Variants in SLC16A2 observed in about 807,000 individuals in gnomAD.
SLC16A2 encodes the protein solute carrier family 16 member 2, also known as monocarboxylate transporter 8.
SLC16A2 carries 3 observed loss-of-function variants against 27.2 expected under a neutral mutation model. That is an observed-to-expected ratio of 0.11 (90% CI 0.05 to 0.28). The LOEUF (loss-of-function observed/expected upper bound fraction) is 0.28, where lower values mean the gene tolerates loss of function less well. Ranked by LOEUF, SLC16A2 falls within the 10% of genes least tolerant of loss-of-function variation. SLC16A2 has a pLI of 1.00. For synonymous variants in SLC16A2, 202 were observed against 187.8 expected (o/e 1.08, Z -0.62); for missense variants, 295 against 458.5 (o/e 0.64, Z 3.26).
intron 1 of SLC16A2, among the ~76,000 whole-genome samples, chrX:74,439,566 G>T (rs1928704674): frequency 9.8e-6 from 1 of 101,742 alleles, no homozygotes; most frequent in African/African-American, 3.7e-5. Flanking sequence ...CTCCCAAAGT[G>T]TTGGGATTAC....
At chrX:74,520,522 C>T (rs1930388524) in intron 1 of SLC16A2, among the ~76,000 whole-genome samples, 1 of 111,609 alleles carries the variant, frequency 9.0e-6, no homozygotes, top group Admixed American at 9.5e-5. Flanking sequence ...TTACATGACT[C>T]TTGCACAGTG....
chrX:74,507,296 A>C (rs1474146396), intron 1 of SLC16A2, among the ~76,000 whole-genome samples: 1 of 110,758 alleles, frequency 9.0e-6, no homozygotes, highest in Non-Finnish European at 1.9e-5. Flanking sequence ...TCAAAGCTTT[A>C]TTGAGGAATA....
intron 1 of SLC16A2, among the ~76,000 whole-genome samples, chrX:74,480,491 T>C (rs770163433): frequency 8.9e-6 from 1 of 112,366 alleles, no homozygotes; most frequent in Admixed American, 9.4e-5. Flanking sequence ...CCCACTGTCC[T>C]GCACCCACTG....
At chrX:74,461,390 G>A (rs1484814708) in intron 1 of SLC16A2, among the ~76,000 whole-genome samples, 1 of 96,653 alleles carries the variant, frequency 1.0e-5, no homozygotes, top group East Asian at 4.4e-4. Context: ...GAAAAGGAGA[G>A]AAAGGGAGAG....
intron 1 of SLC16A2, among the ~76,000 whole-genome samples, chrX:74,493,900 T>A (rs1929885263): frequency 9.0e-6 from 1 of 111,655 alleles, no homozygotes; most frequent in African/African-American, 3.3e-5. Context: ...CCCCCAGCCC[T>A]GGGCCAGACT....
intron 2 of SLC16A2, among the ~76,000 whole-genome samples, 177 bp downstream of exon 2, chrX:74,521,311 G>T (rs747225445): frequency 5.4e-5 from 6 of 112,127 alleles, no homozygotes; most frequent in Non-Finnish European, 1.1e-4. Context: ...AGGGTCCCCA[G>T]GACACATTGG....
At position 74,422,038 on chromosome X, in the gene SLC16A2, A is replaced by G. The variant is rs778793968; in HGVS notation, c.401A>G (p.Glu134Gly). 2 of 1,209,542 alleles carry G rather than the reference A, an allele frequency of 1.7e-6. No homozygotes were observed. Among genetic ancestry groups the G allele is most frequent in the Non-Finnish European group, 1.1e-6 (1 of 894,836 alleles). ...LYSMLLEEEK[E>G]KNRQVEFQAA... is the part of the protein sequence containing the mutation. ...TCCATGCTGCTAGAGGAGGAAAAGG[A>G]AAAAAATCGCCAAGTGGAGTTCCAA... Residue 134 changes from glutamate (E) to glycine (G), a missense_variant, in exon 1 of 6, where the codon GAA (glutamate) becomes GGA (glycine). By Grantham distance (98) the Glu-to-Gly change is moderately conservative (BLOSUM62 -2). This residue lies in a region of SLC16A2 where 59 missense variants were observed against 153.6 expected (regional missense o/e 0.38). Transcript: ENST00000587091.
intron 2 of SLC16A2, among the ~76,000 whole-genome samples, chrX:74,523,478 A>G (rs999259636): frequency 7.1e-5 from 8 of 112,138 alleles, no homozygotes; most frequent in Non-Finnish European, 1.3e-4. Context: ...TTGTGCCAAT[A>G]TTATCTGGGG....
intron 1 of SLC16A2, among the ~76,000 whole-genome samples, chrX:74,443,608 T>C (rs1044262241): frequency 3.6e-5 from 4 of 112,471 alleles, no homozygotes; most frequent in African/African-American, 1.3e-4. Context: ...CTCTGGGTTC[T>C]AGGCCTGGGC....
chrX:74,514,786 G>T (rs1268900499), intron 1 of SLC16A2, among the ~76,000 whole-genome samples: 2 of 111,658 alleles, frequency 1.8e-5, no homozygotes, highest in African/African-American at 6.5e-5. Context: ...AGCCTAGTAG[G>T]GATCTTGAAT....
intron 1 of SLC16A2, among the ~76,000 whole-genome samples, chrX:74,434,779 C>T (rs1481452428): frequency 9.1e-6 from 1 of 109,546 alleles, no homozygotes; most frequent in Non-Finnish European, 1.9e-5. Flanking sequence ...ATAAAAATTC[C>T]CTGTGTGTGT....
intron 1 of SLC16A2, among the ~76,000 whole-genome samples, chrX:74,428,315 C>A (rs1046967693): frequency 9.0e-6 from 1 of 110,986 alleles, no homozygotes; most frequent in Non-Finnish European, 1.9e-5. Context: ...TGAGGAAGTG[C>A]AGCCTCTTCA....
chrX:74,453,936 T>A (rs779696405), intron 1 of SLC16A2, among the ~76,000 whole-genome samples: 12 of 112,187 alleles, frequency 1.1e-4, no homozygotes, highest in Non-Finnish European at 2.3e-4. Flanking sequence ...ATGCATACAA[T>A]GTGTAATGAT....
chrX:74,530,206 T>G (rs749093170), intron 5 of SLC16A2, among the ~76,000 whole-genome samples: 3 of 107,438 alleles, frequency 2.8e-5, no homozygotes, highest in African/African-American at 6.8e-5. Flanking sequence ...GTTCAAACGA[T>G]TCTCCTGCCT....
At chrX:74,514,841 G>A (rs1429565769) in intron 1 of SLC16A2, among the ~76,000 whole-genome samples, 1 of 112,179 alleles carries the variant, frequency 8.9e-6, no homozygotes, top group African/African-American at 3.2e-5. Context: ...CCTTCTTAGA[G>A]TGTCAATAGA....
At chrX:74,489,426 C>T (rs1929782762) in intron 1 of SLC16A2, among the ~76,000 whole-genome samples, 1 of 111,812 alleles carries the variant, frequency 8.9e-6, no homozygotes, top group South Asian at 3.7e-4. Flanking sequence ...CATGAAAGCA[C>T]TTGATCAATA....
At chrX:74,520,909 A>G in intron 1 of SLC16A2, 81 bp from the exon 2 acceptor site, 1 of 1,095,734 alleles carries the variant, frequency 9.1e-7, no homozygotes, top group Non-Finnish European at 1.3e-6. Context: ...GTGAAAGGCC[A>G]GAGAAGAAGA....
intron 1 of SLC16A2, among the ~76,000 whole-genome samples, chrX:74,515,698 C>T (rs1169195076): frequency 9.0e-6 from 1 of 111,600 alleles, no homozygotes; most frequent in Non-Finnish European, 1.9e-5. Context: ...AGAAATGACA[C>T]GTTAACTCTA....
At chrX:74,489,808 C>T (rs932558575) in intron 1 of SLC16A2, among the ~76,000 whole-genome samples, 1 of 110,969 alleles carries the variant, frequency 9.0e-6, no homozygotes, top group African/African-American at 3.3e-5. Context: ...AATAGCCCTA[C>T]ATTTGCCTAT....
Sources: gnomAD v4.1 joint callset for allele counts (sites outside exome capture counted in the v4.1 genomes callset) on GRCh38, gnomAD v4.1.1 for gene constraint, gnomAD v4.1.1 regional missense constraint, MANE v1.5 for transcripts, NCBI Gene and HGNC (gene_info 2026-07-23, HGNC 2026-07-21) for gene names.